Variants in USF1 observed in about 807,000 individuals in gnomAD.
USF1 encodes the protein upstream transcription factor 1.
Under a neutral mutation model 46.3 loss-of-function variants are expected in USF1, and 22 were observed. That is an observed-to-expected ratio of 0.47 (90% CI 0.34 to 0.68). USF1 has a LOEUF of 0.68. USF1 is among the 30% of genes least tolerant of loss of function. The pLI is 0.01. For missense variants in USF1, 287 were observed against 399.3 expected (o/e 0.72, Z 2.40); for synonymous variants, 150 against 147.0 (o/e 1.02, Z -0.15).
At chr1:161,043,122 T>C (rs1650642130) in intron 2 of USF1, 146 bp downstream of exon 2, 2 of 1,441,000 alleles carry the variant, frequency 1.4e-6, no homozygotes, top group African/African-American at 1.4e-5. Context: ...TTCCATTTTA[T>C]AGATAGAGAA....
In USF1 at chr1:161,042,852, C is replaced by T; in HGVS notation, c.39G>A (p.Gly13=). 1.9e-6 allele frequency: 3 copies of T among 1,614,200 alleles called. No homozygotes were observed. Among genetic ancestry groups the T allele is most frequent in the Non-Finnish European group, 2.5e-6 (3 of 1,180,040 alleles). ...GQQKTAETEE[G]TVQIQEGAVA... ...ACTCACCTTCCTGAATCTGCACTGT[C>T]CCCTCTTCCGTTTCAGCTGTTTTCT... The change falls in exon 3 of 11, where the codon GGG becomes GGA. Residue 13 remains glycine, a synonymous_variant. Coordinates refer to ENST00000368021, the MANE Select transcript of USF1 (RefSeq NM_007122.5).
intron 1 of USF1, among the ~76,000 whole-genome samples, chr1:161,045,214 A>C (rs542805954): frequency 3.9e-5 from 6 of 152,204 alleles, no homozygotes; most frequent in Admixed American, 3.9e-4. Context: ...GTCTCTGAGG[A>C]CACCCAGCAA....
At chr1:161,042,441 A>G in intron 4 of USF1, 114 bp downstream of exon 4, 1 of 1,223,488 alleles carries the variant, frequency 8.2e-7, no homozygotes, top group African/African-American at 1.5e-5. Flanking sequence ...CTCCCCTGCA[A>G]CAGTCCACTC....
In USF1 at chr1:161,042,128, T is replaced by C. The variant is rs760883840; in HGVS notation, c.264A>G (p.Gln88=). Residue 88 remains glutamine, a synonymous_variant, in exon 5 of 11, where the codon CAA becomes CAG. Transcript: ENST00000368021. ...CCATACCCTGTACCTGGGTCATGGA[T>C]TGAGTGGCAGGGTAGCCACTGATGG... ...TGAISGYPAT[Q]SMTQAVIQGA... 4.3e-6 allele frequency: 7 copies of C among 1,613,472 alleles called. No individual in the cohort carries two copies. In the African/African-American group the frequency reaches 5.3e-5, roughly 12 times the overall value.
Position 161,039,455 on chromosome 1 carries a change from C to G in USF1, c.*465G>C, listed in dbSNP as rs1571043738. 2 of 168,678 alleles carry G rather than the reference C, an allele frequency of 1.2e-5. No individual in the cohort carries two copies. The highest frequency in any genetic ancestry group is 2.6e-5 in the Non-Finnish European group (2 of 78,428). The allele number at this position is 168,678 out of a possible 1,614,324, so 10.4% of individuals were successfully genotyped here. On this transcript the variant is annotated 3_prime_UTR_variant, in exon 11 of 11. Transcript: ENST00000368021. Reference sequence around the variant, plus strand: ...GCACCAGCCACTGCTAAACATCCTTCCCTCACTTCTTGTGTAAGCTTGCTC... The same window carrying G: ...GCACCAGCCACTGCTAAACATCCTTGCCTCACTTCTTGTGTAAGCTTGCTC...
Position 161,042,633 on chromosome 1 carries a change from A to G in USF1, c.96T>C (p.Ala32=), listed in dbSNP as rs372461061. ...VATGEDPTSV[A]IASIQSAATF... is the part of the protein sequence containing the mutation. ...TGGCAGCTGACTGGATGCTGGCAAT[A>G]GCCACACTGGTTGGGTCTTCCCCAG... is the stretch of plus-strand genomic sequence containing the variant. The change falls in exon 4 of 11, where the codon GCT becomes GCC. Residue 32 remains alanine (A), a synonymous_variant. Transcript: ENST00000368021. The G allele has an allele frequency of 7.7e-4, 1,237 of 1,614,236 alleles. No individual in the cohort carries two copies. The highest frequency in any genetic ancestry group is 1.7e-3 in the Admixed American group (102 of 60,024).
chr1:161,044,239 A>T (rs1275880296), intron 1 of USF1, among the ~76,000 whole-genome samples: 5 of 152,182 alleles, frequency 3.3e-5, no homozygotes, highest in Non-Finnish European at 7.4e-5. Context: ...CACCGCACCC[A>T]GCCAACAACA....
chr1:161,040,372 T>C lies in USF1; in HGVS notation c.715-42A>G, dbSNP rs778669786. ...ACAAAATGAGAACTAGGATTTCAGA[T>C]ACCCAGCTTGCTTTCCAAAAGTAGG... is the stretch of plus-strand genomic sequence containing the variant. On this transcript the variant is annotated intron_variant, in intron 9 of 10. Coordinates refer to ENST00000368021, the MANE Select transcript of USF1 (RefSeq NM_007122.5). The surrounding 1 kb of genome is among the most constrained non-coding windows in gnomAD (Gnocchi z 4.0). 6.2e-6 allele frequency: 10 copies of C among 1,609,034 alleles called. No homozygotes were observed. The Admixed American group carries it at 1.3e-4, about 22-fold the overall frequency.
At chr1:161,043,054 A>C (rs970622930) in intron 2 of USF1, among the ~76,000 whole-genome samples, 172 bp from the exon 3 acceptor site, 6 of 152,238 alleles carry the variant, frequency 3.9e-5, no homozygotes, top group African/African-American at 1.2e-4. Context: ...TAAGCTAAGT[A>C]CATTACATGT....
Position 161,040,982 on chromosome 1 carries a change from C to A in USF1, c.561-110G>T. ...CAGGTATTAGGACCACTTATGGTAG[C>A]TAGGTGTGGTGTCTCACACCTGTAA... On this transcript the variant is annotated intron_variant, in intron 7 of 10. Coordinates refer to ENST00000368021, the MANE Select transcript of USF1 (RefSeq NM_007122.5). The surrounding 1 kb of genome is among the most constrained non-coding windows in gnomAD (Gnocchi z 4.0). 7.1e-7 allele frequency: 1 copy of A among 1,415,574 alleles called. No individual in the cohort carries two copies. The highest frequency in any genetic ancestry group is 1.3e-5 in the South Asian group (1 of 79,146). The allele number at this position is 1,415,574 out of a possible 1,614,324, so 87.7% of individuals were successfully genotyped here. A position where few individuals can be genotyped will look rare whatever the true frequency, so the allele number is the denominator to read the frequency against.
intron 6 of USF1, 60 bp from the exon 7 acceptor site, chr1:161,041,471 G>T (rs1571048056): frequency 6.4e-7 from 1 of 1,565,200 alleles, no homozygotes; most frequent in Non-Finnish European, 8.7e-7. Context: ...CAAGCCCTGA[G>T]GTGAAGACCC....
chr1:161,043,356 A>G lies in USF1; in HGVS notation c.-81T>C. The G allele has an allele frequency of 6.2e-7, 1 of 1,606,824 alleles. No homozygotes were observed. The highest frequency in any genetic ancestry group is 8.5e-7 in the Non-Finnish European group (1 of 1,174,716). ...CTCCTGATTCACAGGCCTGAGTGCTAAGTCCTGGTAGAAATCATGAAGTTT... is the reference window on the plus strand; with the variant it reads ...CTCCTGATTCACAGGCCTGAGTGCTGAGTCCTGGTAGAAATCATGAAGTTT... On this transcript the variant is annotated 5_prime_UTR_variant, in exon 2 of 11. Coordinates refer to ENST00000368021, the MANE Select transcript of USF1 (RefSeq NM_007122.5).
In USF1 at chr1:161,042,179, C is replaced by A; in HGVS notation, c.213G>T (p.Leu71=). The change falls in exon 5 of 11, where the codon CTG becomes CTT. Residue 71 remains leucine, a synonymous_variant. Transcript: ENST00000368021. Reference sequence around the variant, plus strand: ...CGCCAGTTCCCTCAGTTTGGCCATCCAGCTGCCCCTCAGACACCTGGATCA... The same window carrying A: ...CGCCAGTTCCCTCAGTTTGGCCATCAAGCTGCCCCTCAGACACCTGGATCA... ...YRVIQVSEGQ[L]DGQTEGTGAI... 6.2e-7 allele frequency: 1 copy of A among 1,614,020 alleles called. No homozygotes were observed. Among genetic ancestry groups the A allele is most frequent in the Non-Finnish European group, 8.5e-7 (1 of 1,179,964 alleles).
Position 161,041,728 on chromosome 1 carries a change from G to T in USF1, c.395C>A (p.Thr132Lys). The change falls in exon 6 of 11, where the codon ACA becomes AAA. Residue 132 changes from threonine (T) to lysine (K), a missense_variant. Thr to Lys is a moderately conservative substitution (Grantham distance 78, BLOSUM62 -1). Coordinates refer to ENST00000368021, the MANE Select transcript of USF1 (RefSeq NM_007122.5). ...TAVGDGAGGT[T>K]SGSTAAVVTT... ...AACAACAGCAGCTGTACTCCCCGAT[G>T]TGGTACCCCCTGCCCCATCTCCCAC... 6.2e-7 allele frequency: 1 copy of T among 1,614,154 alleles called. No homozygotes were observed. The highest frequency in any genetic ancestry group is 8.5e-7 in the Non-Finnish European group (1 of 1,180,018).
intron 1 of USF1, among the ~76,000 whole-genome samples, chr1:161,044,717 A>C (rs1423783911): frequency 2.0e-5 from 3 of 151,568 alleles, no homozygotes; most frequent in African/African-American, 7.3e-5. Context: ...GTTCTGAAGA[A>C]GAGACAAAGG....
In USF1 at chr1:161,043,290, G is replaced by A. The variant is rs561932421; in HGVS notation, c.-15C>T. ...CACCCCTTCATCTCTCTGTGAGGGG[G>A]CACATCCGAGGAACTGGTCCTTTTT... On this transcript the variant is annotated 5_prime_UTR_variant, in exon 2 of 11. Coordinates refer to ENST00000368021, the MANE Select transcript of USF1 (RefSeq NM_007122.5). The A allele has an allele frequency of 1.2e-6, 2 of 1,614,164 alleles. No homozygotes were observed. The highest frequency in any genetic ancestry group is 2.2e-5 in the South Asian group (2 of 91,080).
rs775826413 is a variant in USF1, at chr1:161,042,125, G to A, written c.267C>T (p.Ser89=). 4.2e-5 allele frequency: 67 copies of A among 1,613,500 alleles called. No individual in the cohort carries two copies. Among genetic ancestry groups the A allele is most frequent in the Middle Eastern group, 3.3e-4 (2 of 6,054 alleles). Residue 89 remains serine, a synonymous_variant, in exon 5 of 11, where the codon TCC becomes TCT. Coordinates refer to ENST00000368021, the MANE Select transcript of USF1 (RefSeq NM_007122.5). The part of the protein sequence containing the change: ...GAISGYPATQ[S]MTQAVIQGAF... ...AGCCCATACCCTGTACCTGGGTCAT[G>A]GATTGAGTGGCAGGGTAGCCACTGA... is the stretch of plus-strand genomic sequence containing the variant.
Position 161,040,585 on chromosome 1 carries a change from C to A in USF1, c.705G>T (p.Lys235Asn), listed in dbSNP as rs1213124596. 1.2e-6 allele frequency: 2 copies of A among 1,612,640 alleles called. No individual in the cohort carries two copies. The highest frequency in any genetic ancestry group is 3.3e-5 in the Admixed American group (2 of 59,918). Residue 235 changes from lysine (K) to asparagine (N), a missense_variant, in exon 9 of 11, where the codon AAG becomes AAT. Physicochemically the swap from Lys to Asn is moderately conservative, Grantham distance 94. Transcript: ENST00000368021. This position sits in a 1 kb window ranked among gnomAD's most constrained non-coding sequence, Gnocchi z 4.0. ...IIPDCSMEST[K>N]SGQSKGGILS... ...AGGGTCTTTCCATGACCTGGCCAGA[C>A]TTGGTGCTCTCCATAGAGCAGTCTG...
At position 161,041,808 on chromosome 1, in the gene USF1, A is replaced by T. The variant is rs763350674; in HGVS notation, c.315T>A (p.Val105=). Residue 105 remains valine (V), a synonymous_variant, in exon 6 of 11, where the codon GTT becomes GTA. Transcript: ENST00000368021. ...IQGAFTSDDA[V]DTEGTAAETH... The stretch of plus-strand genomic sequence containing the variant: ...TCTCAGCAGCTGTCCCCTCCGTGTC[A>T]ACTGCATCATCACTGGTGAAAGCAC... The T allele has an allele frequency of 4.3e-6, 7 of 1,613,906 alleles. 1 individual carries two copies. The South Asian group carries it at 7.7e-5, about 18-fold the overall frequency.
Sources: gnomAD v4.1 joint callset for allele counts (sites outside exome capture counted in the v4.1 genomes callset) on GRCh38, gnomAD v4.1.1 for gene constraint, Gnocchi (gnomAD v3.1) non-coding constraint, MANE v1.5 for transcripts, NCBI Gene and HGNC (gene_info 2026-07-23, HGNC 2026-07-21) for gene names.